The following SYNDIG1L variants were observed in gnomAD, a reference collection of about 807,000 sequenced individuals.
SYNDIG1L encodes synapse differentiation inducing 1 like.
Under a neutral mutation model 20.1 loss-of-function variants are expected in SYNDIG1L, and 13 were observed. The observed-to-expected ratio is 0.65, with a 90% CI of 0.42 to 1.03. The LOEUF (loss-of-function observed/expected upper bound fraction) is 1.03, where lower values mean the gene tolerates loss of function less well. SYNDIG1L is among the 50% of genes least tolerant of loss of function. The pLI, the probability that SYNDIG1L is intolerant of heterozygous loss-of-function variation, is 0.00. For missense variants in SYNDIG1L, 294 were observed against 305.1 expected (o/e 0.96, Z 0.27); for synonymous variants, 128 against 129.3 (o/e 0.99, Z 0.07).
At chr14:74,427,050 G>A (rs1295349381), upstream of SYNDIG1L, among the ~76,000 whole-genome samples, 2 of 151,088 alleles carry the variant, frequency 1.3e-5, no homozygotes, top group African/African-American at 2.4e-5. Flanking sequence ...CCTGAGATCC[G>A]AATGCAGGCC....
chr14:74,440,331 C>T, the SYNDIG1L span, among the ~76,000 whole-genome samples: 1 of 151,914 alleles, frequency 6.6e-6, no homozygotes, highest in Non-Finnish European at 1.5e-5. Flanking sequence ...CTGGCTAACA[C>T]AGTGAAACCC....
the SYNDIG1L span, among the ~76,000 whole-genome samples, chr14:74,432,880 A>G: frequency 3.8e-4 from 57 of 151,854 alleles, no homozygotes; most frequent in African/African-American, 1.4e-3. Context: ...AGAAGGAGAG[A>G]TGGATGGACG....
At chr14:74,463,228 C>T in the SYNDIG1L span, among the ~76,000 whole-genome samples, 1 of 152,348 alleles carries the variant, frequency 6.6e-6, no homozygotes, top group East Asian at 1.9e-4. Flanking sequence ...TGGGCACTCC[C>T]TCCCTAGCTA....
At chr14:74,416,922 G>A (rs552812687) in intron 1 of SYNDIG1L, among the ~76,000 whole-genome samples, 1 of 152,218 alleles carries the variant, frequency 6.6e-6, no homozygotes, top group African/African-American at 2.4e-5. Context: ...TAGGAAAGTT[G>A]TAGGTGCTCA....
chr14:74,472,528 ATGT>A, the SYNDIG1L span, among the ~76,000 whole-genome samples: 2 of 152,258 alleles, frequency 1.3e-5, no homozygotes, highest in Admixed American at 6.5e-5. Context: ...CAAAATGGAA[ATGT>A]TGTCTCTCCC....
chr14:74,419,902 G>A (rs978770342), intron 1 of SYNDIG1L, among the ~76,000 whole-genome samples: 5 of 152,174 alleles, frequency 3.3e-5, no homozygotes, highest in Non-Finnish European at 5.9e-5. Context: ...GTTTGGTAGC[G>A]ATGGAATGAG....
intron 1 of SYNDIG1L, among the ~76,000 whole-genome samples, chr14:74,413,203 C>T (rs559743520): frequency 1.8e-4 from 28 of 152,352 alleles, no homozygotes; most frequent in African/African-American, 6.5e-4. Flanking sequence ...CCCAGCTGAG[C>T]CTCCGCAATC....
the SYNDIG1L span, among the ~76,000 whole-genome samples, chr14:74,468,864 C>G: frequency 6.6e-6 from 1 of 152,182 alleles, no homozygotes; most frequent in Non-Finnish European, 1.5e-5. Flanking sequence ...AGTAACTAGC[C>G]TTTGAATAAT....
chr14:74,454,784 C>G, the SYNDIG1L span, among the ~76,000 whole-genome samples: 25 of 152,340 alleles, frequency 1.6e-4, no homozygotes, highest in African/African-American at 6.0e-4. Flanking sequence ...AGAAGGCTGG[C>G]ATCCTTTCCC....
rs755489730 is a variant in SYNDIG1L, at chr14:74,407,613, G to A, written c.639C>T (p.Ala213=). ...SRRALFLATL[A]IAVGAGLYVA... is the part of the protein sequence containing the mutation. ...CGTAGAGACCGGCCCCCACGGCGATGGCGAGTGTGGCTAGGAAGAGGGCCC... is the reference window on the plus strand; with the variant it reads ...CGTAGAGACCGGCCCCCACGGCGATAGCGAGTGTGGCTAGGAAGAGGGCCC... The change falls in exon 4 of 4, where the codon GCC becomes GCT. Residue 213 remains alanine, a synonymous_variant. Transcript: ENST00000331628. 6.2e-7 allele frequency: 1 copy of A among 1,614,040 alleles called. No homozygotes were observed. Among genetic ancestry groups the A allele is most frequent in the Admixed American group, 1.7e-5 (1 of 60,014 alleles).
At chr14:74,426,388 G>A (rs1326305959), upstream of SYNDIG1L, among the ~76,000 whole-genome samples, 1 of 151,894 alleles carries the variant, frequency 6.6e-6, no homozygotes, top group African/African-American at 2.4e-5. Flanking sequence ...GCGGCGAAGC[G>A]AGGGGCGCGC....
At chr14:74,440,516 T>TA in the SYNDIG1L span, among the ~76,000 whole-genome samples, 2,186 of 97,188 alleles carry the variant, frequency 0.022, 66 homozygotes, top group African/African-American at 0.068. Flanking sequence ...CTCCGTCTCA[T>TA]AAAAAAAAAA....
intron 1 of SYNDIG1L, among the ~76,000 whole-genome samples, chr14:74,424,677 G>A (rs2086250850): frequency 6.6e-6 from 1 of 152,184 alleles, no homozygotes; most frequent in Admixed American, 6.5e-5. Flanking sequence ...AGGACAAAGG[G>A]AGACATGGCC....
At chr14:74,422,059 A>G (rs888548043) in intron 1 of SYNDIG1L, among the ~76,000 whole-genome samples, 23 of 152,178 alleles carry the variant, frequency 1.5e-4, no homozygotes, top group African/African-American at 5.5e-4. Flanking sequence ...TTTCAGGTGG[A>G]AATCAAATCT....
upstream of SYNDIG1L, among the ~76,000 whole-genome samples, chr14:74,426,715 C>T (rs1258098893): frequency 6.9e-6 from 1 of 145,426 alleles, no homozygotes; most frequent in East Asian, 2.1e-4. Flanking sequence ...CTTCCCCTCC[C>T]CCTGCCCCCC....
chr14:74,427,789 C>G (rs907625561), upstream of SYNDIG1L, among the ~76,000 whole-genome samples: 3 of 152,092 alleles, frequency 2.0e-5, no homozygotes, highest in Non-Finnish European at 4.4e-5. Flanking sequence ...TAGACACACA[C>G]AGACACACAC....
chr14:74,447,711 T>C, the SYNDIG1L span, among the ~76,000 whole-genome samples: 4 of 152,106 alleles, frequency 2.6e-5, no homozygotes, highest in African/African-American at 9.7e-5. Context: ...GTCAGGAAAG[T>C]GTAGGATATT....
intron 1 of SYNDIG1L, among the ~76,000 whole-genome samples, chr14:74,417,801 G>A (rs2086188613): frequency 6.6e-6 from 1 of 152,162 alleles, no homozygotes; most frequent in Admixed American, 6.5e-5. Context: ...TCTTGAATGA[G>A]TTAAAACCAG....
chr14:74,464,545 C>T, the SYNDIG1L span, among the ~76,000 whole-genome samples: 395 of 152,224 alleles, frequency 2.6e-3, 1 homozygote, highest in African/African-American at 9.2e-3. Context: ...GGAGACTGTA[C>T]TACATTATCC....
Sources: allele counts gnomAD v4.1 joint callset (sites outside exome capture counted in the v4.1 genomes callset), GRCh38; gene constraint gnomAD v4.1.1; transcripts MANE v1.5; gene names NCBI Gene and HGNC (gene_info 2026-07-23, HGNC 2026-07-21).